ASAP1: variants seen among roughly 807,000 people sequenced by gnomAD.
ASAP1 encodes the protein arf-GAP with SH3 domain, ANK repeat and PH domain-containing protein 1.
Under a neutral mutation model 145.2 loss-of-function variants are expected in ASAP1, and 43 were observed. The ratio of observed to expected loss-of-function variants is 0.30; its 90% CI spans 0.23 to 0.38. The LOEUF is 0.38. ASAP1 is among the 10% of genes least tolerant of loss of function. ASAP1 has a pLI of 1.00. For missense variants in ASAP1, 1,018 were observed against 1,355.3 expected (o/e 0.75, Z 3.91); for synonymous variants, 546 against 515.5 (o/e 1.06, Z -0.80).
chr8:130,102,251 ATTATT>A (rs1477583188), intron 24 of ASAP1, among the ~76,000 whole-genome samples: 17 of 152,210 alleles, frequency 1.1e-4, no homozygotes, highest in South Asian at 6.2e-4. Flanking sequence ...TACGGCCTTT[ATTATT>A]TTGAGATATG....
chr8:130,401,073 G>C (rs1828776268), intron 2 of ASAP1, among the ~76,000 whole-genome samples: 1 of 151,534 alleles, frequency 6.6e-6, no homozygotes, highest in Admixed American at 6.6e-5. Flanking sequence ...GTAGAGATGG[G>C]GTTTCACCAT....
chr8:130,061,776 G>C (rs1371063662), intron 27 of ASAP1, among the ~76,000 whole-genome samples: 1 of 152,140 alleles, frequency 6.6e-6, no homozygotes, highest in Non-Finnish European at 1.5e-5. Context: ...CTATGTTTAG[G>C]AAAGCTCCAA....
chr8:130,406,858 A>T (rs1829053488), intron 1 of ASAP1, among the ~76,000 whole-genome samples: 1 of 152,132 alleles, frequency 6.6e-6, no homozygotes. Context: ...TTAAAAGAAA[A>T]TAGACCAAAC....
At chr8:130,081,367 CAGG>C (rs1296198790) in intron 25 of ASAP1, among the ~76,000 whole-genome samples, 2 of 152,164 alleles carry the variant, frequency 1.3e-5, no homozygotes, top group African/African-American at 4.8e-5. Context: ...TGCAGGCACC[CAGG>C]AGGATTCCCC....
At chr8:130,145,458 C>T (rs1408701869) in intron 13 of ASAP1, among the ~76,000 whole-genome samples, 1 of 152,150 alleles carries the variant, frequency 6.6e-6, no homozygotes, top group Non-Finnish European at 1.5e-5. Flanking sequence ...GCTGGGATTA[C>T]AGGCACGCGC....
chr8:130,241,734 T>TTAAC (rs1818539980), intron 3 of ASAP1, among the ~76,000 whole-genome samples: 1 of 152,158 alleles, frequency 6.6e-6, no homozygotes, highest in South Asian at 2.1e-4. Flanking sequence ...GAATAATGTC[T>TTAAC]TAACAGGACA....
chr8:130,146,632 A>G (rs2097631332), intron 13 of ASAP1, among the ~76,000 whole-genome samples: 1 of 152,202 alleles, frequency 6.6e-6, no homozygotes, highest in Admixed American at 6.5e-5. Flanking sequence ...GAAGAGAGCA[A>G]TCCATTTTGC....
chr8:130,062,197 A>AGG (rs2097421006), intron 27 of ASAP1, among the ~76,000 whole-genome samples: 1 of 152,256 alleles, frequency 6.6e-6, no homozygotes, highest in African/African-American at 2.4e-5. Context: ...GGCCAAGGAC[A>AGG]TAGCCTGCAC....
At chr8:130,152,157 C>A (rs1207508152) in intron 13 of ASAP1, among the ~76,000 whole-genome samples, 1 of 152,150 alleles carries the variant, frequency 6.6e-6, no homozygotes, top group Non-Finnish European at 1.5e-5. Context: ...TCACTTGGCA[C>A]AGGATACTGT....
intron 1 of ASAP1, among the ~76,000 whole-genome samples, chr8:130,433,164 C>T (rs2138794004): frequency 6.6e-6 from 1 of 152,324 alleles, no homozygotes; most frequent in South Asian, 2.1e-4. Flanking sequence ...ATCAGGAGTT[C>T]TGTATCAGTG....
intron 3 of ASAP1, among the ~76,000 whole-genome samples, chr8:130,286,132 A>AG (rs1168635913): frequency 1.3e-5 from 2 of 152,216 alleles, no homozygotes; most frequent in African/African-American, 4.8e-5. Context: ...GAAGAAAAGA[A>AG]GGCTCAGGGC....
In ASAP1 at chr8:130,115,233, G is replaced by A. The variant is rs1319394564; in HGVS notation, c.2172+395C>T. 3.3e-5 allele frequency among the ~76,000 whole-genome samples: 5 copies of A among 152,180 alleles called. No homozygotes were observed. In the East Asian group the frequency reaches 9.6e-4, roughly 29 times the overall value. On this transcript the variant is annotated intron_variant, in intron 23 of 29. Coordinates refer to ENST00000518721, the MANE Select transcript of ASAP1 (RefSeq NM_018482.4). The stretch of plus-strand genomic sequence containing the variant: ...GGTGTGCCTCACCTAATCAGCCAAA[G>A]AAAGGCCTTAAAAAGACTGAGGTCC...
chr8:130,057,807 C>T, intron 29 of ASAP1, 147 bp downstream of exon 29: 1 of 1,034,256 alleles, frequency 9.7e-7, no homozygotes. Flanking sequence ...ACACCAAATG[C>T]AATGGCTGTT....
At chr8:130,224,472 C>T (rs781279212) in intron 4 of ASAP1, among the ~76,000 whole-genome samples, 1 of 151,446 alleles carries the variant, frequency 6.6e-6, no homozygotes, top group African/African-American at 2.4e-5. Context: ...TTTTCCAATC[C>T]CACCTCCTTA....
chr8:130,072,824 T>TGTGTGTGTGCGCGCGC, intron 27 of ASAP1, among the ~76,000 whole-genome samples: 17 of 32,306 alleles, frequency 5.3e-4, no homozygotes, highest in African/African-American at 1.7e-3. Context: ...TGTGTGTGTG[T>TGTGTGTGTGCGCGCGC]GCGCGCGGGG....
At chr8:130,280,872 C>T (rs966004854) in intron 3 of ASAP1, among the ~76,000 whole-genome samples, 2 of 152,016 alleles carry the variant, frequency 1.3e-5, no homozygotes, top group African/African-American at 2.4e-5. Context: ...TTAATAGCAC[C>T]ATTTCATTTA....
At chr8:130,199,329 T>C (rs1238511883) in intron 5 of ASAP1, among the ~76,000 whole-genome samples, 1 of 152,236 alleles carries the variant, frequency 6.6e-6, no homozygotes, top group Non-Finnish European at 1.5e-5. Flanking sequence ...GATGAATGAA[T>C]TCCTCTCCAA....
At chr8:130,056,441 G>T (rs1276779245) in intron 29 of ASAP1, among the ~76,000 whole-genome samples, 1 of 152,198 alleles carries the variant, frequency 6.6e-6, no homozygotes, top group Non-Finnish European at 1.5e-5. Flanking sequence ...CTGAGTACTG[G>T]AGGATGTTTA....
chr8:130,089,518 C>T (rs974595155), intron 25 of ASAP1, among the ~76,000 whole-genome samples: 3 of 152,166 alleles, frequency 2.0e-5, no homozygotes, highest in Non-Finnish European at 4.4e-5. Flanking sequence ...CGTCCACAGA[C>T]GAAAGCTGCA....
Sources: gnomAD v4.1 joint callset for allele counts (sites outside exome capture counted in the v4.1 genomes callset) on GRCh38, gnomAD v4.1.1 for gene constraint, MANE v1.5 for transcripts, NCBI Gene and HGNC (gene_info 2026-07-23, HGNC 2026-07-21) for gene names.